Variants in OSCP1 observed in about 807,000 individuals in gnomAD.
OSCP1 encodes protein OSCP1.
Under a neutral mutation model 45.1 loss-of-function variants are expected in OSCP1, and 35 were observed. That is an observed-to-expected ratio of 0.78 (90% CI 0.59 to 1.03). OSCP1 has a LOEUF of 1.03. OSCP1 is among the 50% of genes least tolerant of loss of function. OSCP1 has a pLI of 0.00. For missense variants in OSCP1, 400 were observed against 470.7 expected, an observed-to-expected ratio of 0.85 and a Z score of 1.39; for synonymous variants, 179 against 180.1, an observed-to-expected ratio of 0.99 and a Z score of 0.05.
At chr1:36,431,699 C>T in intron 4 of OSCP1, 103 bp downstream of exon 4, 1 of 1,110,266 alleles carries the variant, frequency 9.0e-7, no homozygotes, top group South Asian at 1.5e-5. Flanking sequence ...GAGGACATCA[C>T]TAACTGGGCA....
At chr1:36,442,408 G>A (rs889792911) in intron 1 of OSCP1, among the ~76,000 whole-genome samples, 3 of 152,200 alleles carry the variant, frequency 2.0e-5, no homozygotes, top group African/African-American at 2.4e-5. Flanking sequence ...ATTCAATTAT[G>A]TATATGAAAA....
chr1:36,439,033 G>T lies in OSCP1; in HGVS notation c.113-123C>A, dbSNP rs759085873. 231 of 1,078,284 alleles carry T rather than the reference G, an allele frequency of 2.1e-4. 2 individuals carry two copies. The highest frequency in any genetic ancestry group is 2.8e-4 in the Non-Finnish European group (215 of 770,240). The allele number at this position is 1,078,284 out of a possible 1,614,324, so 66.8% of individuals were successfully genotyped here. On this transcript the variant is annotated intron_variant, in intron 1 of 9. Transcript: ENST00000235532. ...TACAGAATTGGGATGCTGTATGCTT[G>T]GTGAGATCAGCTCCCTGAGGGGACC...
intron 8 of OSCP1, chr1:36,420,232 T>C: frequency 2.9e-6 from 1 of 350,864 alleles, no homozygotes; most frequent in African/African-American, 2.2e-5. Flanking sequence ...TGCCTTGGCC[T>C]CCCAAAGTGC....
At chr1:36,444,456 G>GTTTTCTTTTC (rs1199029634) in intron 1 of OSCP1, among the ~76,000 whole-genome samples, 1 of 152,028 alleles carries the variant, frequency 6.6e-6, no homozygotes, top group Non-Finnish European at 1.5e-5. Context: ...TACAATCTGA[G>GTTTTCTTTTC]TTTTCTTTTC....
chr1:36,425,885 G>T (rs1647933663), intron 4 of OSCP1, among the ~76,000 whole-genome samples: 1 of 152,166 alleles, frequency 6.6e-6, no homozygotes, highest in African/African-American at 2.4e-5. Flanking sequence ...TACATAGCAG[G>T]TGCATAGAAG....
chr1:36,448,115 T>C (rs1020450874), intron 1 of OSCP1, among the ~76,000 whole-genome samples: 2 of 152,214 alleles, frequency 1.3e-5, no homozygotes, highest in African/African-American at 4.8e-5. Flanking sequence ...CTTTAACATA[T>C]ATGTATTATT....
intron 9 of OSCP1, chr1:36,418,469 C>T: frequency 1.7e-6 from 1 of 592,528 alleles, no homozygotes; most frequent in South Asian, 2.0e-5. Context: ...ACCAAGCATC[C>T]CTGGCTGCTA....
chr1:36,449,553 T>C (rs1169264909), intron 1 of OSCP1, among the ~76,000 whole-genome samples: 1 of 152,018 alleles, frequency 6.6e-6, no homozygotes, highest in Non-Finnish European at 1.5e-5. Flanking sequence ...AATCTGAACC[T>C]GGGCTGGACG....
intron 1 of OSCP1, among the ~76,000 whole-genome samples, chr1:36,441,159 T>C (rs114249261): frequency 0.014 from 2,103 of 152,300 alleles, 27 homozygotes; most frequent in African/African-American, 0.041. Context: ...GGTCTGTCCT[T>C]GTGGGCAGAG....
At position 36,448,671 on chromosome 1, in the gene OSCP1, G is replaced by A. The variant is rs1049352372; in HGVS notation, c.112+1587C>T. On this transcript the variant is annotated intron_variant, in intron 1 of 9. Transcript: ENST00000235532. ...TCCTGAAGGAGATGATTCTTAAGCCGAATAATGCAGGATTGAAGGGGAAGA... is the reference window on the plus strand; with the variant it reads ...TCCTGAAGGAGATGATTCTTAAGCCAAATAATGCAGGATTGAAGGGGAAGA... 2.6e-5 allele frequency among the ~76,000 whole-genome samples: 4 copies of A among 152,308 alleles called. No homozygotes were observed. In the East Asian group the frequency reaches 7.7e-4, roughly 29 times the overall value.
chr1:36,435,085 CT>C (rs980571964), intron 2 of OSCP1, among the ~76,000 whole-genome samples: 1 of 139,804 alleles, frequency 7.2e-6, no homozygotes, highest in Admixed American at 7.3e-5. Context: ...CTTTTCTTTT[CT>C]TTTTCTTTTT....
At chr1:36,442,111 C>G (rs1371608177) in intron 1 of OSCP1, among the ~76,000 whole-genome samples, 1 of 151,926 alleles carries the variant, frequency 6.6e-6, no homozygotes, top group African/African-American at 2.4e-5. Context: ...CCTGTAATCT[C>G]AGCTACTCAG....
chr1:36,448,952 G>A (rs1649703176), intron 1 of OSCP1, among the ~76,000 whole-genome samples: 1 of 152,190 alleles, frequency 6.6e-6, no homozygotes, highest in African/African-American at 2.4e-5. Context: ...ATTTTAGAAA[G>A]CTCATTGGCG....
At chr1:36,435,830 C>T (rs977419580) in intron 2 of OSCP1, among the ~76,000 whole-genome samples, 1 of 152,022 alleles carries the variant, frequency 6.6e-6, no homozygotes, top group African/African-American at 2.4e-5. Flanking sequence ...GACGGGGTTT[C>T]ACCATGTTGG....
chr1:36,429,917 T>A (rs1648250250), intron 4 of OSCP1, among the ~76,000 whole-genome samples: 1 of 151,782 alleles, frequency 6.6e-6, no homozygotes, highest in African/African-American at 2.4e-5. Context: ...TTCACGCGAT[T>A]CTCCTGCCTT....
intron 4 of OSCP1, among the ~76,000 whole-genome samples, chr1:36,429,719 C>T (rs1294027059): frequency 6.6e-6 from 1 of 150,940 alleles, no homozygotes; most frequent in Non-Finnish European, 1.5e-5. Context: ...ACCATGTTGC[C>T]GAGGCTTCAG....
At chr1:36,433,558 C>T (rs1375452045) in intron 2 of OSCP1, among the ~76,000 whole-genome samples, 1 of 152,110 alleles carries the variant, frequency 6.6e-6, no homozygotes, top group Non-Finnish European at 1.5e-5. Context: ...TGCTGACTAC[C>T]TGACTGATGG....
chr1:36,422,102 G>A (rs769806055), intron 7 of OSCP1, 48 bp downstream of exon 7: 89 of 1,542,934 alleles, frequency 5.8e-5, no homozygotes, highest in Admixed American at 1.3e-4. Context: ...GTAGACTTCC[G>A]TATCTAGAGA....
rs563132877 is a variant in OSCP1 at position 36,418,920 on chromosome 1, C to G, written c.1023+71G>C. ...TTCACCTGGGTGACAGAGCGAGACC[C>G]TGTCTCAAGAAAAAAAAAAAAAGAT... On this transcript the variant is annotated intron_variant, in intron 9 of 9. Coordinates refer to ENST00000235532, the MANE Select transcript of OSCP1 (RefSeq NM_145047.5). 3.1e-6 allele frequency: 4 copies of G among 1,277,096 alleles called. No individual in the cohort carries two copies. In the East Asian group the frequency reaches 9.5e-5, roughly 30 times the overall value. The allele number at this position is 1,277,096 out of a possible 1,614,324, so 79.1% of individuals were successfully genotyped here.
Sources: allele counts gnomAD v4.1 joint callset (sites outside exome capture counted in the v4.1 genomes callset), GRCh38; gene constraint gnomAD v4.1.1; transcripts MANE v1.5; gene names NCBI Gene and HGNC (gene_info 2026-07-23, HGNC 2026-07-21).